The following XRN1 variants were observed in gnomAD, a reference collection of about 807,000 sequenced individuals.
XRN1 encodes the protein strand-exchange protein 1 homolog.
Under a neutral mutation model 222.3 loss-of-function variants are expected in XRN1, and 67 were observed. That is an observed-to-expected ratio of 0.30 (90% CI 0.25 to 0.37). The LOEUF (loss-of-function observed/expected upper bound fraction) is 0.37, where lower values mean the gene tolerates loss of function less well. Among genes scored for constraint, XRN1 ranks in the 10% least tolerant of loss-of-function variants. The pLI is 1.00. For synonymous variants in XRN1, 643 were observed against 652.4 expected (o/e 0.99, Z 0.22); for missense variants, 1,707 against 2,000.2 (o/e 0.85, Z 2.80).
chr3:142,419,830 A>G (rs1469456052), intron 10 of XRN1, among the ~76,000 whole-genome samples: 2 of 151,890 alleles, frequency 1.3e-5, no homozygotes, highest in Non-Finnish European at 2.9e-5. Flanking sequence ...AAAGAAACTC[A>G]GCAGAATCCA....
At chr3:142,324,460 G>A (rs1300028718) in intron 37 of XRN1, among the ~76,000 whole-genome samples, 1 of 152,028 alleles carries the variant, frequency 6.6e-6, no homozygotes, top group African/African-American at 2.4e-5. Context: ...ATTCCATGGT[G>A]TATATCTGCC....
intron 37 of XRN1, among the ~76,000 whole-genome samples, chr3:142,324,124 T>A (rs982088093): frequency 2.6e-4 from 39 of 152,180 alleles, no homozygotes; most frequent in African/African-American, 9.1e-4. Flanking sequence ...ACTATAAGTT[T>A]TAGGGTACAT....
chr3:142,334,516 G>T (rs1436149991), intron 34 of XRN1, among the ~76,000 whole-genome samples: 1 of 151,740 alleles, frequency 6.6e-6, no homozygotes, highest in Non-Finnish European at 1.5e-5. Context: ...AAACAGCAGA[G>T]ACTATATAAA....
intron 39 of XRN1, 79 bp downstream of exon 39, chr3:142,318,513 G>A: frequency 7.9e-7 from 1 of 1,265,850 alleles, no homozygotes; most frequent in East Asian, 2.5e-5. Context: ...AGATATTTGA[G>A]TACATTCTTG....
chr3:142,373,640 G>A (rs1018388611), intron 25 of XRN1, among the ~76,000 whole-genome samples: 1 of 152,146 alleles, frequency 6.6e-6, no homozygotes, highest in Non-Finnish European at 1.5e-5. Context: ...GAATGGCACA[G>A]GCTTTATCAA....
intron 13 of XRN1, among the ~76,000 whole-genome samples, chr3:142,416,454 G>GC (rs1187149160): frequency 6.6e-6 from 1 of 152,108 alleles, no homozygotes; most frequent in Non-Finnish European, 1.5e-5. Flanking sequence ...AAAGCGATGG[G>GC]ATTAGAGGCA....
rs886556561 is a variant in XRN1, at chr3:142,417,366, TATA to T, written c.1347-140_1347-138del. ...GAATTAGCTATTTATGGCTAAAAAT[TATA>T]ATCCTAAAAACTCCAAAATATTTTT... On this transcript the variant is annotated intron_variant, in intron 12 of 40. Coordinates refer to ENST00000392981, the MANE Select transcript of XRN1 (RefSeq NM_001282857.2). 7.1e-5 allele frequency: 49 copies of T among 690,920 alleles called. 1 individual carries two copies. Among genetic ancestry groups the T allele is most frequent in the Non-Finnish European group, 9.9e-5 (42 of 423,134 alleles). 42.8% of individuals were successfully genotyped at this position (690,920 alleles called of 1,614,324 possible).
chr3:142,404,877 T>A (rs2068286386), intron 16 of XRN1, 30 bp downstream of exon 16: 2 of 1,612,366 alleles, frequency 1.2e-6, no homozygotes, highest in Non-Finnish European at 1.7e-6. Context: ...AGCGCTCTTT[T>A]GTTGTTGAAA....
At chr3:142,388,324 G>A (rs1249028600) in intron 20 of XRN1, among the ~76,000 whole-genome samples, 1 of 152,060 alleles carries the variant, frequency 6.6e-6, no homozygotes, top group Non-Finnish European at 1.5e-5. Flanking sequence ...TTACTTTATT[G>A]TAAGAACACA....
At chr3:142,364,724 C>T (rs972477327) in intron 29 of XRN1, among the ~76,000 whole-genome samples, 2 of 152,022 alleles carry the variant, frequency 1.3e-5, no homozygotes, top group Non-Finnish European at 2.9e-5. Flanking sequence ...TCAGGAGAAG[C>T]AATGAAAATT....
Position 142,380,153 on chromosome 3 carries a change from C to T in XRN1, c.2644G>A (p.Glu882Lys), listed in dbSNP as rs1476123586. 1 of 1,613,814 alleles carries T rather than the reference C, an allele frequency of 6.2e-7. No homozygotes were observed. The highest frequency in any genetic ancestry group is 1.7e-5 in the Admixed American group (1 of 60,000). ...EVQDSGDVIT[E>K]GRIRVIFSIP... ...CTGAAAATCACACGAATCCTACCTTCTGTAATCACATCACCTGAATCCTGA... is the reference window on the plus strand; with the variant it reads ...CTGAAAATCACACGAATCCTACCTTTTGTAATCACATCACCTGAATCCTGA... Residue 882 changes from glutamate to lysine, a missense_variant, in exon 23 of 41, where the codon GAA becomes AAA. Transcript: ENST00000392981.
intron 2 of XRN1, among the ~76,000 whole-genome samples, chr3:142,431,887 TATATAATATATATATTATATATATAAA>T (rs1559879532): frequency 7.2e-4 from 25 of 34,618 alleles, no homozygotes; most frequent in African/African-American, 3.2e-3. Flanking sequence ...ATATATATTA[TATATAATATATATATTATATATATAAA>T]TATATATAAT....
chr3:142,415,952 A>G (rs956347772), intron 13 of XRN1, among the ~76,000 whole-genome samples: 1 of 152,130 alleles, frequency 6.6e-6, no homozygotes, highest in Non-Finnish European at 1.5e-5. Flanking sequence ...AATGATTACT[A>G]TTCTCCATAA....
At chr3:142,392,932 G>A (rs1437866581) in intron 20 of XRN1, among the ~76,000 whole-genome samples, 1 of 146,264 alleles carries the variant, frequency 6.8e-6, no homozygotes, top group East Asian at 2.0e-4. Context: ...CTAGTTTACA[G>A]TCCCACCAAC....
At chr3:142,341,544 A>G (rs1047246785) in intron 33 of XRN1, among the ~76,000 whole-genome samples, 1 of 152,168 alleles carries the variant, frequency 6.6e-6, no homozygotes, top group Non-Finnish European at 1.5e-5. Flanking sequence ...CAGAAAACAA[A>G]TATCGAAGTG....
At chr3:142,366,288 T>A (rs1363928305) in intron 27 of XRN1, among the ~76,000 whole-genome samples, 1 of 152,206 alleles carries the variant, frequency 6.6e-6, no homozygotes, top group South Asian at 2.1e-4. Flanking sequence ...CTTTAGAACA[T>A]AGCTTATGGG....
chr3:142,361,791 T>A lies in XRN1; in HGVS notation c.3395-1860A>T, dbSNP rs1379290695. 2.0e-5 allele frequency among the ~76,000 whole-genome samples: 3 copies of A among 152,210 alleles called. No homozygotes were observed. The East Asian group carries it at 5.8e-4, about 29-fold the overall frequency. On this transcript the variant is annotated intron_variant, in intron 29 of 40. Transcript: ENST00000392981. Reference sequence around the variant, plus strand: ...TGATCATTTTAAAAATTGGGTTAAGTTGTAAAAAAACTTTTATATAGTCTA... The same window carrying A: ...TGATCATTTTAAAAATTGGGTTAAGATGTAAAAAAACTTTTATATAGTCTA...
chr3:142,384,030 G>A (rs1294156268), intron 21 of XRN1, among the ~76,000 whole-genome samples: 1 of 151,982 alleles, frequency 6.6e-6, no homozygotes, highest in African/African-American at 2.4e-5. Context: ...CAGCACTTTG[G>A]GAGGCCGAGG....
At chr3:142,435,646 A>G (rs1265790708) in intron 1 of XRN1, among the ~76,000 whole-genome samples, 1 of 151,318 alleles carries the variant, frequency 6.6e-6, no homozygotes, top group African/African-American at 2.4e-5. Flanking sequence ...AATCCCAGGT[A>G]CTTAGAAGGC....
Sources: gnomAD v4.1 joint callset for allele counts (sites outside exome capture counted in the v4.1 genomes callset) on GRCh38, gnomAD v4.1.1 for gene constraint, MANE v1.5 for transcripts, NCBI Gene and HGNC (gene_info 2026-07-23, HGNC 2026-07-21) for gene names.